LONP1: variants seen among roughly 807,000 people sequenced by gnomAD.
The protein encoded by LONP1 is lon peptidase 1, mitochondrial, also known as lon protease homolog, mitochondrial.
A neutral mutation model predicts 98.5 loss-of-function variants in LONP1; 31 were observed. The ratio of observed to expected loss-of-function variants is 0.31; its 90% CI spans 0.24 to 0.42. The LOEUF (loss-of-function observed/expected upper bound fraction) is 0.42. Ranked by LOEUF, LONP1 falls within the 20% of genes least tolerant of loss-of-function variation. LONP1 has a pLI of 1.00. For missense variants in LONP1, 1,336 were observed against 1,350.6 expected (o/e 0.99, Z 0.17); for synonymous variants, 781 against 594.7 (o/e 1.31, Z -4.56).
In LONP1 at chr19:5,700,834, C is replaced by T. The variant is rs1189102562; in HGVS notation, c.1461G>A (p.Leu487=). The T allele has an allele frequency of 3.1e-6, 5 of 1,614,092 alleles. No individual in the cohort carries two copies. The highest frequency in any genetic ancestry group is 3.4e-6 in the Non-Finnish European group (4 of 1,180,038). ...NLDLARAQAV[L]EEDHYGMEDV... ...CCTCCATGCCGTAGTGGTCTTCCTC[C>T]AGCACTGCCTGTGCCCGCGCCAGGT... is the stretch of plus-strand genomic sequence containing the variant. Residue 487 remains leucine (L), a synonymous_variant, in exon 9 of 18, where the codon CTG becomes CTA. Coordinates refer to ENST00000360614, the MANE Select transcript of LONP1 (RefSeq NM_004793.4).
At chr19:5,703,074 G>A (rs180674299) in intron 8 of LONP1, among the ~76,000 whole-genome samples, 2,734 of 151,834 alleles carry the variant, frequency 0.018, 45 homozygotes, top group East Asian at 0.036. Flanking sequence ...CCAGCTACTC[G>A]GGAGGCTGAG....
intron 10 of LONP1, among the ~76,000 whole-genome samples, chr19:5,697,876 G>A (rs529473488): frequency 1.3e-5 from 2 of 152,116 alleles, no homozygotes; most frequent in African/African-American, 2.4e-5. Flanking sequence ...CCCCGCCAGG[G>A]TCTCTCCTCC....
At chr19:5,702,341 C>A (rs1449880847) in intron 8 of LONP1, among the ~76,000 whole-genome samples, 2 of 149,398 alleles carry the variant, frequency 1.3e-5, no homozygotes, top group Non-Finnish European at 3.0e-5. Flanking sequence ...GCCGCCCCGT[C>A]CGGGAGGGAG....
intron 8 of LONP1, 21 bp downstream of exon 8, chr19:5,705,751 C>T (rs912784634): frequency 2.9e-5 from 47 of 1,611,004 alleles, no homozygotes; most frequent in East Asian, 1.6e-4. Context: ...AGGGCTGGGC[C>T]GCCCCGGGCC....
At chr19:5,697,676 C>T (rs1198392818) in intron 10 of LONP1, among the ~76,000 whole-genome samples, 1 of 151,788 alleles carries the variant, frequency 6.6e-6, no homozygotes, top group Non-Finnish European at 1.5e-5. Context: ...AACGTGGGAG[C>T]CCTGGAGAGC....
chr19:5,707,366 G>T (rs184495583), intron 6 of LONP1, among the ~76,000 whole-genome samples: 231 of 152,318 alleles, frequency 1.5e-3, no homozygotes, highest in African/African-American at 5.3e-3. Context: ...ATGGGGACGC[G>T]CTCAGGAGTG....
At position 5,692,066 on chromosome 19, in the gene LONP1, T is replaced by C. The variant is rs755068009; in HGVS notation, c.2846A>G (p.Asp949Gly). 6.2e-7 allele frequency: 1 copy of C among 1,609,864 alleles called. No homozygotes were observed. Among genetic ancestry groups the C allele is most frequent in the Non-Finnish European group, 8.5e-7 (1 of 1,177,438 alleles). The change falls in exon 18 of 18, where the codon GAC becomes GGC. Residue 949 changes from aspartate (D) to glycine (G), a missense_variant. Asp to Gly is a moderately conservative substitution (Grantham distance 94). Transcript: ENST00000360614. ...CACGGCCAGCGCCTCTGCCTGCTCG[T>C]CCGGGAAGGCGATGTCGAAGATCTC... is the stretch of plus-strand genomic sequence containing the variant. The part of the protein sequence containing the change: ...YREIFDIAFP[D>G]EQAEALAVER
chr19:5,694,225 C>G (rs1384847702), intron 15 of LONP1, among the ~76,000 whole-genome samples, 162 bp downstream of exon 15: 3 of 152,166 alleles, frequency 2.0e-5, no homozygotes, highest in Non-Finnish European at 4.4e-5. Context: ...ACAGCCTTCC[C>G]CTCCCTCAGC....
chr19:5,710,939 T>C (rs1385043009), intron 4 of LONP1, among the ~76,000 whole-genome samples: 2 of 151,956 alleles, frequency 1.3e-5, no homozygotes, highest in African/African-American at 4.8e-5. Flanking sequence ...GGCATGAGAA[T>C]CACTTGAACC....
chr19:5,701,483 G>A (rs550146547), intron 8 of LONP1, among the ~76,000 whole-genome samples: 5 of 152,284 alleles, frequency 3.3e-5, no homozygotes, highest in East Asian at 1.9e-4. Context: ...GGCGCGCGCC[G>A]CCACGCCTGA....
intron 1 of LONP1, among the ~76,000 whole-genome samples, chr19:5,719,444 C>T (rs1387618882): frequency 6.6e-6 from 1 of 152,172 alleles, no homozygotes; most frequent in African/African-American, 2.4e-5. Flanking sequence ...TTTCTATGAC[C>T]GGCGTTCTAA....
At chr19:5,709,966 C>T (rs543614911) in intron 4 of LONP1, among the ~76,000 whole-genome samples, 20 of 150,722 alleles carry the variant, frequency 1.3e-4, no homozygotes, top group African/African-American at 4.9e-4. Flanking sequence ...GGGGTCTTGC[C>T]AGTTCTAATC....
Position 5,715,891 on chromosome 19 carries a change from T to A in LONP1, c.430-1620A>T, listed in dbSNP as rs549505869. ...CATGCCTGGTTCCTCCAATTTTCAT[T>A]GACAGTTACTTCCTTATCACATCAT... On this transcript the variant is annotated intron_variant, in intron 1 of 17. Transcript: ENST00000360614. Among the ~76,000 whole-genome samples, 26 of 152,026 alleles carry A rather than the reference T, an allele frequency of 1.7e-4. No homozygotes were observed. In the South Asian group the frequency reaches 5.4e-3, roughly 32 times the overall value.
Position 5,693,403 on chromosome 19 carries a change from G to C in LONP1, c.2598C>G (p.Ser866=), listed in dbSNP as rs151308285. The change falls in exon 17 of 18, where the codon TCC becomes TCG. Residue 866 remains serine (S), a synonymous_variant. Coordinates refer to ENST00000360614, the MANE Select transcript of LONP1 (RefSeq NM_004793.4). ...GCCGGACAGGCCTGCCCATGGCCAG[G>C]GACAGCAGGGCCGTGACGATGGTGC... ...AGCTIVTALL[S]LAMGRPVRQN... 81 of 1,612,890 alleles carry C rather than the reference G, an allele frequency of 5.0e-5. No homozygotes were observed. Among genetic ancestry groups the C allele is most frequent in the Non-Finnish European group, 6.5e-5 (77 of 1,179,636 alleles).
Position 5,699,222 on chromosome 19 carries a change from G to T in LONP1, c.1507-17C>A. On this transcript the variant is annotated splice_polypyrimidine_tract_variant and intron_variant, in intron 9 of 17. Coordinates refer to ENST00000360614, the MANE Select transcript of LONP1 (RefSeq NM_004793.4). ...AATGAACTCCTGCAGACAGAGGCAG[G>T]TTCAGTGGGCACGTGAGCTGGGGAA... 1.4e-6 allele frequency: 2 copies of T among 1,480,734 alleles called. No individual in the cohort carries two copies. The highest frequency in any genetic ancestry group is 1.8e-6 in the Non-Finnish European group (2 of 1,110,896). 91.7% of individuals were successfully genotyped at this position (1,480,734 alleles called of 1,614,324 possible).
chr19:5,706,637 C>T (rs950548361), intron 7 of LONP1, among the ~76,000 whole-genome samples: 13 of 152,016 alleles, frequency 8.6e-5, no homozygotes, highest in African/African-American at 2.9e-4. Context: ...ATGCTACGAC[C>T]GTGAGGTGAC....
rs1384449025 is a variant in LONP1 at position 5,697,576 on chromosome 19, GGAGGAAGAAGAGAGGGAGAGA to G, written c.1686-840_1686-820del. Among the ~76,000 whole-genome samples the G allele has an allele frequency of 3.2e-5, 4 of 125,990 alleles. No individual in the cohort carries two copies. The East Asian group carries it at 8.5e-4, about 27-fold the overall frequency. 82.7% of individuals were successfully genotyped at this position (125,990 alleles called of 152,430 possible). On this transcript the variant is annotated intron_variant, in intron 10 of 17. Transcript: ENST00000360614. The stretch of plus-strand genomic sequence containing the variant: ...GAGAGGGAAGGGGGTAGAGGGAGGG[GGAGGAAGAAGAGAGGGAGAGA>G]GAGGAGGGGGTGGGGCAGGTCATGC...
At chr19:5,709,395 G>A (rs908545845) in intron 4 of LONP1, among the ~76,000 whole-genome samples, 1 of 151,964 alleles carries the variant, frequency 6.6e-6, no homozygotes, top group African/African-American at 2.4e-5. Flanking sequence ...CAGCTACTAA[G>A]GAGGCCGAGG....
chr19:5,695,241 C>A (rs2054905332), intron 13 of LONP1, among the ~76,000 whole-genome samples: 1 of 152,148 alleles, frequency 6.6e-6, no homozygotes, highest in South Asian at 2.1e-4. Flanking sequence ...GTGGCTGCTG[C>A]CCTCAGCACA....
Sources: allele counts gnomAD v4.1 joint callset (sites outside exome capture counted in the v4.1 genomes callset), GRCh38; gene constraint gnomAD v4.1.1; transcripts MANE v1.5; gene names NCBI Gene and HGNC (gene_info 2026-07-23, HGNC 2026-07-21).